APBB2: variants seen among roughly 807,000 people sequenced by gnomAD.
The protein encoded by APBB2 is amyloid beta precursor protein binding family B member 2.
APBB2 carries 38 observed loss-of-function variants against 82.5 expected under a neutral mutation model. The ratio of observed to expected loss-of-function variants is 0.46; its 90% CI spans 0.36 to 0.60. The LOEUF (loss-of-function observed/expected upper bound fraction) is 0.60, where lower values mean the gene tolerates loss of function less well. Among genes scored for constraint, APBB2 ranks in the 20% least tolerant of loss-of-function variants. The pLI is 0.00. For missense variants in APBB2, 772 were observed against 972.3 expected, an observed-to-expected ratio of 0.79 and a Z score of 2.74; for synonymous variants, 341 against 368.2, an observed-to-expected ratio of 0.93 and a Z score of 0.85.
At chr4:40,844,088 C>A (rs1352065469) in intron 12 of APBB2, among the ~76,000 whole-genome samples, 1 of 152,198 alleles carries the variant, frequency 6.6e-6, no homozygotes, top group African/African-American at 2.4e-5. Flanking sequence ...TTTTGGTGAA[C>A]TTTTGTAGGG....
At chr4:41,049,714 T>TA (rs1725238418) in intron 4 of APBB2, among the ~76,000 whole-genome samples, 2 of 152,364 alleles carry the variant, frequency 1.3e-5, no homozygotes, top group South Asian at 4.1e-4. Flanking sequence ...GGGGAAAAGA[T>TA]ACAGAAATCA....
chr4:41,178,891 G>C (rs1770559973), intron 1 of APBB2, among the ~76,000 whole-genome samples: 1 of 152,118 alleles, frequency 6.6e-6, no homozygotes, highest in Non-Finnish European at 1.5e-5. Context: ...ACCTTGTCTT[G>C]TACTTTTCTG....
At chr4:40,854,622 A>T (rs1760517306) in intron 12 of APBB2, among the ~76,000 whole-genome samples, 1 of 152,106 alleles carries the variant, frequency 6.6e-6, no homozygotes, top group Non-Finnish European at 1.5e-5. Context: ...CCCTGTCTCT[A>T]CTAAAAATAC....
At chr4:41,159,111 C>G (rs1764198738) in intron 1 of APBB2, among the ~76,000 whole-genome samples, 1 of 152,242 alleles carries the variant, frequency 6.6e-6, no homozygotes, top group African/African-American at 2.4e-5. Flanking sequence ...GAGTTCTCCA[C>G]TCCCACCTTG....
At chr4:41,016,512 T>C (rs1237548159) in intron 5 of APBB2, among the ~76,000 whole-genome samples, 1 of 151,928 alleles carries the variant, frequency 6.6e-6, no homozygotes, top group Non-Finnish European at 1.5e-5. Flanking sequence ...AAATACAAAA[T>C]TAGCCAGGCA....
intron 6 of APBB2, among the ~76,000 whole-genome samples, chr4:41,002,137 A>G (rs1805420309): frequency 1.3e-5 from 2 of 152,210 alleles, no homozygotes; most frequent in Admixed American, 1.3e-4. Flanking sequence ...CAATAAATAA[A>G]TTACAAGGGT....
intron 3 of APBB2, among the ~76,000 whole-genome samples, chr4:41,100,300 A>T (rs895849944): frequency 1.1e-4 from 16 of 152,236 alleles, no homozygotes; most frequent in African/African-American, 3.9e-4. Flanking sequence ...CTGAAAGCTC[A>T]GACAACTGGA....
intron 1 of APBB2, among the ~76,000 whole-genome samples, chr4:41,159,865 A>C (rs150124390): frequency 1.5e-4 from 21 of 144,764 alleles, no homozygotes; most frequent in African/African-American, 5.3e-4. Flanking sequence ...GGAAGGAAGC[A>C]ATAGGCTTAA....
At chr4:41,104,796 C>T (rs1746606635) in intron 2 of APBB2, among the ~76,000 whole-genome samples, 1 of 152,168 alleles carries the variant, frequency 6.6e-6, no homozygotes, top group Admixed American at 6.5e-5. Context: ...ATAATGGCCT[C>T]CAGCTCCATC....
chr4:40,920,855 C>G (rs1781080086), intron 10 of APBB2, among the ~76,000 whole-genome samples: 1 of 152,120 alleles, frequency 6.6e-6, no homozygotes. Context: ...TGGGCAAAAA[C>G]AGCAAAACTC....
intron 6 of APBB2, among the ~76,000 whole-genome samples, chr4:40,953,745 C>T (rs920089888): frequency 9.9e-5 from 15 of 152,220 alleles, no homozygotes; most frequent in Admixed American, 6.5e-4. Context: ...CCTTTCTAGT[C>T]TCCTGTCATC....
At chr4:40,875,535 A>T (rs894301919) in intron 12 of APBB2, among the ~76,000 whole-genome samples, 1 of 152,232 alleles carries the variant, frequency 6.6e-6, no homozygotes, top group Non-Finnish European at 1.5e-5. Flanking sequence ...TTCAATGTGT[A>T]ATCAATATGA....
At chr4:41,008,874 G>C (rs16852680) in intron 6 of APBB2, among the ~76,000 whole-genome samples, 6,997 of 152,238 alleles carry the variant, frequency 0.046, 341 homozygotes, top group African/African-American at 0.13. Context: ...ATCATGAGGC[G>C]CATTGCCACA....
chr4:40,868,410 T>C lies in APBB2; in HGVS notation c.1529+21954A>G, dbSNP rs561638581. 9.8e-5 allele frequency among the ~76,000 whole-genome samples: 15 copies of C among 152,328 alleles called. No individual in the cohort carries two copies. In the East Asian group the frequency reaches 2.7e-3, roughly 27 times the overall value. ...ATTTTTTGAGGAAAAGAGGGGAAAC[T>C]GCATCATTGAAGCGAGCTGTATAAT... On this transcript the variant is annotated intron_variant, in intron 12 of 17. Transcript: ENST00000508593.
intron 6 of APBB2, among the ~76,000 whole-genome samples, chr4:40,951,589 A>G (rs1790180091): frequency 6.6e-6 from 1 of 152,252 alleles, no homozygotes; most frequent in Non-Finnish European, 1.5e-5. Flanking sequence ...GCCACTCCCT[A>G]TGTGAGTGTC....
intron 12 of APBB2, among the ~76,000 whole-genome samples, chr4:40,886,511 T>C (rs1251476334): frequency 1.3e-5 from 2 of 151,332 alleles, no homozygotes; most frequent in South Asian, 2.1e-4. Flanking sequence ...AAAGAAATTA[T>C]GTTTGCTTGG....
rs117881995 is a variant in APBB2 at position 40,970,327 on chromosome 4, T to C, written c.836-25254A>G. On this transcript the variant is annotated intron_variant, in intron 6 of 17. Coordinates refer to ENST00000508593, the MANE Select transcript of APBB2 (RefSeq NM_004307.2). ...AACGTTTATGAACAAAATGAAAGAC[T>C]TCCTTTCGCATGGCACTGCACTCGA... Among the ~76,000 whole-genome samples, 305 of 152,300 alleles carry C rather than the reference T, an allele frequency of 2.0e-3. 5 individuals carry two copies. In the East Asian group the frequency reaches 0.046, roughly 23 times the overall value.
At chr4:40,922,991 T>C (rs1781666910) in intron 10 of APBB2, among the ~76,000 whole-genome samples, 2 of 151,424 alleles carry the variant, frequency 1.3e-5, no homozygotes, top group African/African-American at 2.4e-5. Context: ...TTTTTTTTTT[T>C]TGAGACGGAG....
chr4:40,908,280 G>A (rs1032030643), intron 10 of APBB2, among the ~76,000 whole-genome samples: 8 of 152,114 alleles, frequency 5.3e-5, no homozygotes, highest in African/African-American at 1.4e-4. Flanking sequence ...AGAAAAGAAC[G>A]TTTCTGTAGT....
Sources: allele counts gnomAD v4.1 joint callset (sites outside exome capture counted in the v4.1 genomes callset), GRCh38; gene constraint gnomAD v4.1.1; transcripts MANE v1.5; gene names NCBI Gene and HGNC (gene_info 2026-07-23, HGNC 2026-07-21).